Variants in C19orf18 observed in about 807,000 individuals in gnomAD.
C19orf18 encodes chromosome 19 open reading frame 18.
Under a neutral mutation model 23.3 loss-of-function variants are expected in C19orf18, and 21 were observed. That is an observed-to-expected ratio of 0.90 (90% CI 0.64 to 1.30). The LOEUF (loss-of-function observed/expected upper bound fraction) is 1.30, where lower values mean the gene tolerates loss of function less well. Ranked by LOEUF, C19orf18 falls within the 50% of genes most tolerant of loss-of-function variation. The pLI, the probability that C19orf18 is intolerant of heterozygous loss-of-function variation, is 0.00. For missense variants in C19orf18, 249 were observed against 259.6 expected (o/e 0.96, Z 0.28); for synonymous variants, 96 against 95.2 (o/e 1.01, Z -0.05).
intron 2 of C19orf18, 89 bp downstream of exon 2, chr19:57,974,010 A>G: frequency 7.7e-7 from 1 of 1,296,116 alleles, no homozygotes; most frequent in African/African-American, 1.5e-5. Context: ...CCTTTCTACC[A>G]GCAAGCACAC....
rs1253138581 is a variant in C19orf18, at chr19:57,961,390, C to G, written c.532+1G>C. On this transcript the variant is annotated splice_donor_variant, in intron 5 of 5. Transcript: ENST00000314391. LOFTEE classifies it high-confidence loss of function. ...CGAATAGCTCTTACAGGTCACACTA[C>G]CTGAGTGGATGAACTTTTCCAGCTC... 6.2e-7 allele frequency: 1 copy of G among 1,612,552 alleles called. No individual in the cohort carries two copies. Among genetic ancestry groups the G allele is most frequent in the African/African-American group, 1.3e-5 (1 of 74,862 alleles).
chr19:57,974,343 G>C lies in C19orf18; in HGVS notation c.90C>G (p.Leu30=). The C allele has an allele frequency of 6.2e-7, 1 of 1,614,140 alleles. No homozygotes were observed. Among genetic ancestry groups the C allele is most frequent in the Non-Finnish European group, 8.5e-7 (1 of 1,180,020 alleles). ...LHLCLPYADG[L]HPTGNITGLP... is the part of the protein sequence containing the mutation. ...AGCCTGTTATGTTTCCAGTGGGATG[G>C]AGTCCATCTGCATACGGCAAGCATA... The change falls in exon 1 of 6, where the codon CTC becomes CTG. Residue 30 remains leucine, a synonymous_variant. Transcript: ENST00000314391.
At chr19:57,960,773 G>C (rs1471221072) in intron 5 of C19orf18, among the ~76,000 whole-genome samples, 2 of 152,182 alleles carry the variant, frequency 1.3e-5, no homozygotes, top group Non-Finnish European at 2.9e-5. Flanking sequence ...CCCCACAGCT[G>C]TTCACCCCTC....
intron 4 of C19orf18, 25 bp downstream of exon 4, chr19:57,966,505 C>A (rs774671608): frequency 2.9e-6 from 4 of 1,401,610 alleles, no homozygotes; most frequent in Middle Eastern, 3.6e-4. Flanking sequence ...TTAAGGACAG[C>A]AGATATTACT....
chr19:57,959,695 T>C (rs1184878278), intron 5 of C19orf18, among the ~76,000 whole-genome samples: 4 of 149,494 alleles, frequency 2.7e-5, no homozygotes, highest in African/African-American at 9.9e-5. Context: ...CTCAGGAGGC[T>C]GAGGTGGGAG....
intron 4 of C19orf18, among the ~76,000 whole-genome samples, chr19:57,963,346 A>G (rs2072886403): frequency 6.6e-6 from 1 of 151,984 alleles, no homozygotes; most frequent in Middle Eastern, 3.4e-3. Flanking sequence ...CAGTATTTTT[A>G]AAAATTGAAA....
intron 1 of C19orf18, 23 bp from the exon 2 acceptor site, chr19:57,974,226 G>T (rs1362278626): frequency 6.2e-7 from 1 of 1,613,220 alleles, no homozygotes; most frequent in Non-Finnish European, 8.5e-7. Flanking sequence ...ACTTTTTGCG[G>T]TGAAATGTAA....
chr19:57,964,442 T>G (rs1249522315), intron 4 of C19orf18, among the ~76,000 whole-genome samples: 2 of 152,158 alleles, frequency 1.3e-5, no homozygotes, highest in Admixed American at 1.3e-4. Context: ...CTACCACACC[T>G]GGCTAATTTT....
chr19:57,965,521 G>A (rs139555514), intron 4 of C19orf18, among the ~76,000 whole-genome samples: 8,162 of 152,274 alleles, frequency 0.054, 322 homozygotes, highest in Middle Eastern at 0.082. Flanking sequence ...CAAGGTAGGC[G>A]GATCACCTGA....
At chr19:57,959,274 A>G (rs2072849048) in intron 5 of C19orf18, among the ~76,000 whole-genome samples, 1 of 152,178 alleles carries the variant, frequency 6.6e-6, no homozygotes, top group African/African-American at 2.4e-5. Context: ...AGATCTCTTA[A>G]GCCCAGGAGT....
At chr19:57,968,820 G>A (rs1328037682) in intron 3 of C19orf18, among the ~76,000 whole-genome samples, 3 of 151,942 alleles carry the variant, frequency 2.0e-5, no homozygotes, top group Non-Finnish European at 4.4e-5. Flanking sequence ...TAGAGACAGC[G>A]AATAACTCCC....
At chr19:57,963,785 GA>G (rs1294482888) in intron 4 of C19orf18, among the ~76,000 whole-genome samples, 1 of 152,152 alleles carries the variant, frequency 6.6e-6, no homozygotes, top group African/African-American at 2.4e-5. Context: ...AGCTACTTGG[GA>G]GGCTGAGGCA....
At chr19:57,961,891 TC>T (rs200252647) in intron 4 of C19orf18, among the ~76,000 whole-genome samples, 2 of 147,028 alleles carry the variant, frequency 1.4e-5, no homozygotes, top group Non-Finnish European at 2.9e-5. Context: ...TTTTTCTTTC[TC>T]TTTTTTTTCC....
intron 4 of C19orf18, among the ~76,000 whole-genome samples, chr19:57,965,871 TTTTA>T (rs1451191772): frequency 6.6e-6 from 1 of 152,180 alleles, no homozygotes; most frequent in East Asian, 1.9e-4. Flanking sequence ...AAGAAATATA[TTTTA>T]TTTCACAACC....
rs930059495 is a variant in C19orf18 at position 57,965,365 on chromosome 19, C to T, written c.371+1165G>A. ...GGCCAGGCTAGTCTTGAACTCCTGA[C>T]CTCAGGTGATGTACCCGCCTCAGCC... On this transcript the variant is annotated intron_variant, in intron 4 of 5. Coordinates refer to ENST00000314391, the MANE Select transcript of C19orf18 (RefSeq NM_152474.5). 2.6e-5 allele frequency among the ~76,000 whole-genome samples: 4 copies of T among 152,022 alleles called. No individual in the cohort carries two copies. In the East Asian group the frequency reaches 5.8e-4, roughly 22 times the overall value.
intron 2 of C19orf18, among the ~76,000 whole-genome samples, 170 bp downstream of exon 2, chr19:57,973,929 T>C (rs1225289022): frequency 6.6e-6 from 1 of 152,100 alleles, no homozygotes; most frequent in Non-Finnish European, 1.5e-5. Flanking sequence ...AGAAAGCAGT[T>C]AACAGAGAGT....
Position 57,974,100 on chromosome 19 carries a change from C to G in C19orf18, c.225G>C (p.Thr75=). The change falls in exon 2 of 6, where the codon ACG becomes ACC. Residue 75 remains threonine (T), a splice_region_variant and synonymous_variant. Coordinates refer to ENST00000314391, the MANE Select transcript of C19orf18 (RefSeq NM_152474.5). ...PGIQGAASRS[T]AASPTNPMKF... is the part of the protein sequence containing the mutation. ...TGAATGAGGAATTCAATGACTCACC[C>G]GTGGATCTCGAGGCAGCCCCTTGAA... 1 of 1,613,374 alleles carries G rather than the reference C, an allele frequency of 6.2e-7. No individual in the cohort carries two copies. Among genetic ancestry groups the G allele is most frequent in the Non-Finnish European group, 8.5e-7 (1 of 1,179,312 alleles).
chr19:57,965,211 T>C (rs2072900724), intron 4 of C19orf18, among the ~76,000 whole-genome samples: 1 of 152,116 alleles, frequency 6.6e-6, no homozygotes, highest in Non-Finnish European at 1.5e-5. Flanking sequence ...CTCTGCCCAC[T>C]GCAACCTCTG....
chr19:57,965,062 G>A (rs1016174354), intron 4 of C19orf18, among the ~76,000 whole-genome samples: 3 of 152,110 alleles, frequency 2.0e-5, no homozygotes, highest in Non-Finnish European at 4.4e-5. Flanking sequence ...GAGAGTGGTC[G>A]CTCTTTTCTG....
Sources: gnomAD v4.1 joint callset for allele counts (sites outside exome capture counted in the v4.1 genomes callset) on GRCh38, gnomAD v4.1.1 for gene constraint, MANE v1.5 for transcripts, NCBI Gene and HGNC (gene_info 2026-07-23, HGNC 2026-07-21) for gene names.